The following NOTCH2NLR variants were observed in gnomAD, a reference collection of about 807,000 sequenced individuals.
The protein encoded by NOTCH2NLR is notch 2 N-terminal like R (pseudogene).
NOTCH2NLR carries 33 observed loss-of-function variants against 35.6 expected under a neutral mutation model. The observed-to-expected ratio is 0.93, with a 90% CI of 0.70 to 1.24. The LOEUF is 1.24. NOTCH2NLR is among the 50% of genes most tolerant of loss of function. The probability of loss-of-function intolerance (pLI) is 0.00; values close to 1 mark genes in which losing one functional copy is unlikely to be tolerated. For missense variants in NOTCH2NLR, 276 were observed against 362.2 expected (o/e 0.76, Z 1.93); for synonymous variants, 103 against 141.0 (o/e 0.73, Z 1.91).
chr1:120,781,780 G>A (rs1217753954), intron 2 of NOTCH2NLR, among the ~76,000 whole-genome samples: 8,601 of 115,726 alleles, frequency 0.074, 1,973 homozygotes, highest in Non-Finnish European at 0.1. Context: ...GGATGGTCTC[G>A]ATCTCCTGAC....
In NOTCH2NLR at chr1:120,762,475, A is replaced by G. The variant is rs1651145064; in HGVS notation, c.74-1153A>G. Reference sequence around the variant, plus strand: ...GATGGCCAGGCCTAGCGTCTCTCTGATCTTGCACAATTTATGCATAGAGTG... The same window carrying G: ...GATGGCCAGGCCTAGCGTCTCTCTGGTCTTGCACAATTTATGCATAGAGTG... On this transcript the variant is annotated intron_variant, in intron 1 of 4. Coordinates refer to ENST00000624419, the Ensembl canonical transcript of NOTCH2NLR. 1.8e-5 allele frequency among the ~76,000 whole-genome samples: 2 copies of G among 109,248 alleles called. 1 individual carries two copies. The highest frequency in any genetic ancestry group is 3.5e-5 in the Non-Finnish European group (2 of 56,538). 71.7% of individuals were successfully genotyped at this position (109,248 alleles called of 152,430 possible). A position where few individuals can be genotyped will look rare whatever the true frequency, so the allele number is the denominator to read the frequency against.
At chr1:120,793,212 G>A in exon 4 of NOTCH2NLR, 1 of 1,442,048 alleles carries the variant, frequency 6.9e-7, no homozygotes. Context: ...TGTGCAAATG[G>A]AAGTACCTGT....
chr1:120,765,948 G>C (rs1436413108), intron 2 of NOTCH2NLR, among the ~76,000 whole-genome samples: 4 of 62,022 alleles, frequency 6.4e-5, no homozygotes, highest in Admixed American at 6.3e-4. Context: ...CATGGACACA[G>C]GGAGGGGAAC....
Position 120,784,479 on chromosome 1 carries a change from G to A in NOTCH2NLR, c.156-495G>A, listed in dbSNP as rs1436548737. ...CTGTGTTATGGCCTTTGCATTTGCT[G>A]TTCCCTTTCTCATGAATGTGTTTCC... On this transcript the variant is annotated intron_variant, in intron 2 of 4. Coordinates refer to ENST00000624419, the Ensembl canonical transcript of NOTCH2NLR. Among the ~76,000 whole-genome samples the A allele has an allele frequency of 6.0e-5, 7 of 116,748 alleles. 3 individuals carry two copies. In the East Asian group the frequency reaches 1.5e-3, roughly 25 times the overall value. 76.6% of individuals were successfully genotyped at this position (116,748 alleles called of 152,430 possible).
In NOTCH2NLR at chr1:120,728,589, T is replaced by A. The variant is rs1348938717; in HGVS notation, c.73+4339T>A. ...GCTTCCACTGCTTCCTGTATTACTG[T>A]ATTACTAGGCCAGCAATTTCTGTTA... On this transcript the variant is annotated intron_variant, in intron 1 of 4. Transcript: ENST00000624419. 1.7e-5 allele frequency among the ~76,000 whole-genome samples: 2 copies of A among 117,886 alleles called. 1 individual carries two copies. The highest frequency in any genetic ancestry group is 3.3e-5 in the Non-Finnish European group (2 of 61,340). 77.3% of individuals were successfully genotyped at this position (117,886 alleles called of 152,430 possible).
At position 120,786,410 on chromosome 1, in the gene NOTCH2NLR, T is replaced by C. The variant is rs1422857529; in HGVS notation, c.415+1177T>C. 7.2e-5 allele frequency among the ~76,000 whole-genome samples: 8 copies of C among 110,568 alleles called. 2 individuals carry two copies. Among genetic ancestry groups the C allele is most frequent in the African/African-American group, 1.2e-4 (2 of 17,368 alleles). The allele number at this position is 110,568 out of a possible 152,430, so 72.5% of individuals were successfully genotyped here. A position where few individuals can be genotyped will look rare whatever the true frequency, so the allele number is the denominator to read the frequency against. ...TCTCTCACCTGGACTTCTGAAGTAG[T>C]TTCTGAATACGTTTTCTTGCCTTTA... On this transcript the variant is annotated intron_variant, in intron 3 of 4. Transcript: ENST00000624419.
Position 120,793,130 on chromosome 1 carries a change from C to G in NOTCH2NLR, c.416-31C>G. The stretch of plus-strand genomic sequence containing the variant: ...ATGGGGCCATCTCCTATTTCTGTGG[C>G]CAGTACTGAGTTTTGTTATCCTTCC... On this transcript the variant is annotated intron_variant, in intron 3 of 4. Coordinates refer to ENST00000624419, the Ensembl canonical transcript of NOTCH2NLR. 8.3e-6 allele frequency: 8 copies of G among 968,984 alleles called. 1 individual carries two copies. Among genetic ancestry groups the G allele is most frequent in the Non-Finnish European group, 1.0e-5 (7 of 671,406 alleles). 60.0% of individuals were successfully genotyped at this position (968,984 alleles called of 1,614,324 possible).
chr1:120,792,406 T>C (rs1651501726), intron 3 of NOTCH2NLR, among the ~76,000 whole-genome samples: 1 of 81,818 alleles, frequency 1.2e-5, no homozygotes, highest in Non-Finnish European at 2.2e-5. Flanking sequence ...CGCACATGTA[T>C]GTATGTGAGG....
At position 120,778,354 on chromosome 1, in the gene NOTCH2NLR, C is replaced by T. The variant is rs1221105627; in HGVS notation, c.156-6620C>T. The stretch of plus-strand genomic sequence containing the variant: ...AAGAAAGTGGGTTGAAAGCAGAGTT[C>T]TGTTCAAAGAATTTTCTGCTGGAAA... On this transcript the variant is annotated intron_variant, in intron 2 of 4. Transcript: ENST00000624419. Among the ~76,000 whole-genome samples the T allele has an allele frequency of 7.1e-5, 7 of 98,500 alleles. 1 individual carries two copies. Among genetic ancestry groups the T allele is most frequent in the Non-Finnish European group, 1.3e-4 (7 of 54,522 alleles). 64.6% of individuals were successfully genotyped at this position (98,500 alleles called of 152,430 possible). A position where few individuals can be genotyped will look rare whatever the true frequency, so the allele number is the denominator to read the frequency against.
chr1:120,728,692 A>G (rs1650842275), intron 1 of NOTCH2NLR, among the ~76,000 whole-genome samples: 1 of 117,722 alleles, frequency 8.5e-6, no homozygotes, highest in Non-Finnish European at 1.6e-5. Flanking sequence ...TATTTTTAAA[A>G]TTAGAGTTAA....
At chr1:120,724,656 G>A (rs1295039260) in intron 1 of NOTCH2NLR, among the ~76,000 whole-genome samples, 1 of 123,550 alleles carries the variant, frequency 8.1e-6, no homozygotes, top group Non-Finnish European at 1.6e-5. Flanking sequence ...GCCAGATTCT[G>A]GCGTGGAGAG....
In NOTCH2NLR at chr1:120,764,264, AT is replaced by A. The variant is rs1238578226; in HGVS notation, c.155+556del. On this transcript the variant is annotated intron_variant, in intron 2 of 4. Transcript: ENST00000624419. ...TCCGTCTCAAAAAGAAATAAAAAAA[AT>A]ATATAAAAAAATATATATTAGATTC... Among the ~76,000 whole-genome samples the A allele has an allele frequency of 6.6e-3, 705 of 107,614 alleles. 17 individuals carry two copies. Among genetic ancestry groups the A allele is most frequent in the African/African-American group, 0.025 (426 of 16,884 alleles). 70.6% of individuals were successfully genotyped at this position (107,614 alleles called of 152,430 possible). A position where few individuals can be genotyped will look rare whatever the true frequency, so the allele number is the denominator to read the frequency against.
At position 120,784,948 on chromosome 1, in the gene NOTCH2NLR, C is replaced by A; in HGVS notation, c.156-26C>A. On this transcript the variant is annotated intron_variant, in intron 2 of 4. Transcript: ENST00000624419. ...GGACTTACAAGAAGTCAGGTGTTTT[C>A]ATGGACTCTTCTCTTTTCCATACAG... 2.3e-6 allele frequency: 3 copies of A among 1,321,514 alleles called. 1 individual carries two copies. The East Asian group carries it at 7.1e-5, about 31-fold the overall frequency. 81.9% of individuals were successfully genotyped at this position (1,321,514 alleles called of 1,614,324 possible). A position where few individuals can be genotyped will look rare whatever the true frequency, so the allele number is the denominator to read the frequency against.
rs1198125809 is a variant in NOTCH2NLR at position 120,793,660 on chromosome 1, G to T, written c.752-87G>T. 9.8e-6 allele frequency: 6 copies of T among 612,406 alleles called. 1 individual carries two copies. Among genetic ancestry groups the T allele is most frequent in the Non-Finnish European group, 1.4e-5 (5 of 345,656 alleles). 37.9% of individuals were successfully genotyped at this position (612,406 alleles called of 1,614,324 possible). ...GGGAGGAGTTTTATGGGCCCACTGT[G>T]GTCCATAAACTGAGCAGGGGATAAT... On this transcript the variant is annotated intron_variant, in intron 4 of 4. Transcript: ENST00000624419.
intron 2 of NOTCH2NLR, among the ~76,000 whole-genome samples, chr1:120,782,172 GA>G (rs1266433425): frequency 1.1e-5 from 1 of 94,994 alleles, no homozygotes; most frequent in Non-Finnish European, 1.9e-5. Context: ...CTGGAAAAAA[GA>G]AAACAAAAGG....
chr1:120,784,126 T>C lies in NOTCH2NLR; in HGVS notation c.156-848T>C, dbSNP rs1651395913. On this transcript the variant is annotated intron_variant, in intron 2 of 4. Transcript: ENST00000624419. Reference sequence around the variant, plus strand: ...AAATGGGACCTCATGAAAGTGTGGGTTAAAAGAGACTTGTATATCTTCTAA... The same window carrying C: ...AAATGGGACCTCATGAAAGTGTGGGCTAAAAGAGACTTGTATATCTTCTAA... Among the ~76,000 whole-genome samples the C allele has an allele frequency of 1.7e-5, 2 of 117,928 alleles. 1 individual carries two copies. The highest frequency in any genetic ancestry group is 3.3e-5 in the Non-Finnish European group (2 of 61,124). The allele number at this position is 117,928 out of a possible 152,430, so 77.4% of individuals were successfully genotyped here.
chr1:120,765,186 A>C lies in NOTCH2NLR; in HGVS notation c.155+1477A>C, dbSNP rs1651177691. Reference sequence around the variant, plus strand: ...GGGGGAAAAAAAAAACATGTGGTGCATTCTCCTCTAAGAATGGAGATACAA... The same window carrying C: ...GGGGGAAAAAAAAAACATGTGGTGCCTTCTCCTCTAAGAATGGAGATACAA... On this transcript the variant is annotated intron_variant, in intron 2 of 4. Transcript: ENST00000624419. Among the ~76,000 whole-genome samples the C allele has an allele frequency of 1.7e-5, 2 of 119,916 alleles. 1 individual carries two copies. 78.7% of individuals were successfully genotyped at this position (119,916 alleles called of 152,430 possible). A position where few individuals can be genotyped will look rare whatever the true frequency, so the allele number is the denominator to read the frequency against.
At chr1:120,793,387 A>G (rs1209046749) in exon 4 of NOTCH2NLR, 2 of 1,437,402 alleles carry the variant, frequency 1.4e-6, no homozygotes, top group Non-Finnish European at 1.9e-6. Context: ...AGGGCTTCAC[A>G]GGCCAGTACT....
At position 120,745,240 on chromosome 1, in the gene NOTCH2NLR, G is replaced by A. The variant is rs1450255017; in HGVS notation, c.74-18388G>A. ...TTTTTAAACTGCAGATCATGACCAC[G>A]AATGGGTCATGAAACCAATTTGGTA... On this transcript the variant is annotated intron_variant, in intron 1 of 4. Coordinates refer to ENST00000624419, the Ensembl canonical transcript of NOTCH2NLR. Among the ~76,000 whole-genome samples the A allele has an allele frequency of 4.6e-5, 5 of 108,524 alleles. 1 individual carries two copies. The highest frequency in any genetic ancestry group is 3.5e-5 in the Non-Finnish European group (2 of 57,614). 71.2% of individuals were successfully genotyped at this position (108,524 alleles called of 152,430 possible). A position where few individuals can be genotyped will look rare whatever the true frequency, so the allele number is the denominator to read the frequency against.
Sources: allele counts gnomAD v4.1 joint callset (sites outside exome capture counted in the v4.1 genomes callset), GRCh38; gene constraint gnomAD v4.1.1; transcripts MANE v1.5; gene names NCBI Gene and HGNC (gene_info 2026-07-23, HGNC 2026-07-21).